Variants in DLG2 observed in about 807,000 individuals in gnomAD.
The protein encoded by DLG2 is discs large MAGUK scaffold protein 2.
A neutral mutation model predicts 132.5 loss-of-function variants in DLG2; 45 were observed. That is an observed-to-expected ratio of 0.34 (90% CI 0.27 to 0.44). The LOEUF is 0.44. Among genes scored for constraint, DLG2 ranks in the 20% least tolerant of loss-of-function variants. The pLI, the probability that DLG2 is intolerant of heterozygous loss-of-function variation, is 1.00. For synonymous variants in DLG2, 424 were observed against 419.6 expected (o/e 1.01, Z -0.13); for missense variants, 1,045 against 1,196.9 (o/e 0.87, Z 1.87).
chr11:84,455,629 G>A (rs1421847961), intron 7 of DLG2, among the ~76,000 whole-genome samples: 1 of 150,636 alleles, frequency 6.6e-6, no homozygotes, highest in East Asian at 2.0e-4. Context: ...GAAGCCAAGT[G>A]GTTAAAAAAA....
Position 84,852,178 on chromosome 11 carries a change from G to A in DLG2, c.357+259483C>T, listed in dbSNP as rs1177563985. Among the ~76,000 whole-genome samples, 3 of 152,034 alleles carry A rather than the reference G, an allele frequency of 2.0e-5. No homozygotes were observed. The East Asian group carries it at 5.8e-4, about 29-fold the overall frequency. Reference sequence around the variant, plus strand: ...ATCCCTTGCTCTAATCTCCTCCATAGCAATCAGAGCTAATGAGCTGCAACT... The same window carrying A: ...ATCCCTTGCTCTAATCTCCTCCATAACAATCAGAGCTAATGAGCTGCAACT... On this transcript the variant is annotated intron_variant, in intron 6 of 27. Coordinates refer to ENST00000376104, the MANE Select transcript of DLG2 (RefSeq NM_001142699.3).
chr11:85,183,381 T>C (rs1197841760), intron 4 of DLG2, among the ~76,000 whole-genome samples: 2 of 151,906 alleles, frequency 1.3e-5, no homozygotes, highest in Non-Finnish European at 2.9e-5. Context: ...CCTCTAATGC[T>C]AATTAACAAA....
chr11:83,718,532 GAAA>G (rs57237354), intron 18 of DLG2, among the ~76,000 whole-genome samples: 15 of 106,284 alleles, frequency 1.4e-4, no homozygotes, highest in African/African-American at 4.0e-4. Flanking sequence ...CTCAAAAAAA[GAAA>G]AAAAAAAAAA....
chr11:84,267,816 C>T (rs1306871226), intron 7 of DLG2, among the ~76,000 whole-genome samples: 1 of 152,178 alleles, frequency 6.6e-6, no homozygotes, highest in Non-Finnish European at 1.5e-5. Flanking sequence ...TGGATATACT[C>T]AATTCTAGGC....
intron 19 of DLG2, among the ~76,000 whole-genome samples, chr11:83,543,510 C>T (rs1021378230): frequency 2.0e-5 from 3 of 152,258 alleles, no homozygotes; most frequent in Middle Eastern, 3.4e-3. Flanking sequence ...TGTCCTGCTC[C>T]TACTATGTCT....
chr11:83,730,179 G>T (rs2090754992), intron 18 of DLG2, among the ~76,000 whole-genome samples: 1 of 133,132 alleles, frequency 7.5e-6, no homozygotes. Context: ...CAATGTTAAG[G>T]TCACACTATA....
chr11:85,525,742 A>G (rs1484507609), intron 3 of DLG2, among the ~76,000 whole-genome samples: 1 of 152,202 alleles, frequency 6.6e-6, no homozygotes, highest in Non-Finnish European at 1.5e-5. Flanking sequence ...TGCCAGGAGA[A>G]TATTTTCAGG....
chr11:83,703,640 ACT>A (rs935972561), intron 18 of DLG2, among the ~76,000 whole-genome samples: 1 of 152,062 alleles, frequency 6.6e-6, no homozygotes, highest in African/African-American at 2.4e-5. Context: ...CAAGAGTGAA[ACT>A]CTGTCTCAAA....
intron 3 of DLG2, among the ~76,000 whole-genome samples, chr11:85,343,616 GT>G (rs1380215934): frequency 2.0e-5 from 3 of 151,732 alleles, no homozygotes; most frequent in Admixed American, 2.0e-4. Context: ...GTGTGCACAC[GT>G]TCTCTCTCTC....
At chr11:85,212,614 G>T (rs2082323714) in intron 4 of DLG2, among the ~76,000 whole-genome samples, 1 of 152,148 alleles carries the variant, frequency 6.6e-6, no homozygotes, top group South Asian at 2.1e-4. Flanking sequence ...GCCTACAAGA[G>T]TAACAAAAAC....
At chr11:84,943,917 G>A (rs956551669) in intron 6 of DLG2, among the ~76,000 whole-genome samples, 1 of 151,860 alleles carries the variant, frequency 6.6e-6, no homozygotes, top group Non-Finnish European at 1.5e-5. Context: ...GCATTTCTTA[G>A]AAGACAAATC....
chr11:85,423,511 T>A lies in DLG2; in HGVS notation c.41-138146A>T, dbSNP rs960670289. 2.0e-5 allele frequency among the ~76,000 whole-genome samples: 3 copies of A among 152,108 alleles called. No homozygotes were observed. The East Asian group carries it at 5.8e-4, about 29-fold the overall frequency. On this transcript the variant is annotated intron_variant, in intron 3 of 27. Coordinates refer to ENST00000376104, the MANE Select transcript of DLG2 (RefSeq NM_001142699.3). The stretch of plus-strand genomic sequence containing the variant: ...AACTCCCAGGAATATATGCCCTTTG[T>A]CTTCAGTTAACAGGGTGGGTAGGGA...
rs2076806722 is a variant in DLG2 at position 85,554,034 on chromosome 11, G to C, written c.40+44623C>G. On this transcript the variant is annotated intron_variant, in intron 3 of 27. Transcript: ENST00000376104. ...AACAGTTATAGCCAAAAACTTAAAA[G>C]TCATAGCCAAAAAGTATATATTTGA... 1.3e-5 allele frequency among the ~76,000 whole-genome samples: 2 copies of C among 151,042 alleles called. 1 individual carries two copies. The highest frequency in any genetic ancestry group is 3.0e-5 in the Non-Finnish European group (2 of 67,628).
intron 3 of DLG2, among the ~76,000 whole-genome samples, chr11:85,297,322 G>GT (rs1007655284): frequency 1.3e-5 from 2 of 152,128 alleles, no homozygotes; most frequent in African/African-American, 4.8e-5. Context: ...TAGATGAATG[G>GT]TTTTTATGTT....
intron 6 of DLG2, among the ~76,000 whole-genome samples, chr11:84,695,808 C>T (rs2058555386): frequency 6.6e-6 from 1 of 151,390 alleles, no homozygotes; most frequent in Non-Finnish European, 1.5e-5. Flanking sequence ...CTGAGTAATA[C>T]ATGTAGGTGT....
At chr11:84,503,340 A>G (rs1020209745) in intron 7 of DLG2, among the ~76,000 whole-genome samples, 1 of 152,248 alleles carries the variant, frequency 6.6e-6, no homozygotes, top group Admixed American at 6.5e-5. Context: ...GAGTAGACAC[A>G]TAATAAATGT....
chr11:84,569,000 A>T (rs930965487), intron 6 of DLG2, among the ~76,000 whole-genome samples: 3 of 152,122 alleles, frequency 2.0e-5, no homozygotes, highest in African/African-American at 7.2e-5. Flanking sequence ...CAAAGAGCAA[A>T]ATTGCCCAGC....
rs1261514567 is a variant in DLG2, at chr11:84,370,492, T to G, written c.520-119201A>C. Among the ~76,000 whole-genome samples the G allele has an allele frequency of 5.3e-5, 8 of 152,088 alleles. No individual in the cohort carries two copies. In the East Asian group the frequency reaches 1.3e-3, roughly 26 times the overall value. On this transcript the variant is annotated intron_variant, in intron 7 of 27. Transcript: ENST00000376104. ...AGCACACTAGCAACTAATTAAATGA[T>G]TTTAGAAATCACTTATCCACATAGG...
At chr11:85,015,230 T>C (rs1345925160) in intron 6 of DLG2, among the ~76,000 whole-genome samples, 3 of 152,184 alleles carry the variant, frequency 2.0e-5, no homozygotes, top group African/African-American at 7.2e-5. Flanking sequence ...CTTAATCATA[T>C]GCTGCACATA....
Sources: gnomAD v4.1 joint callset for allele counts (sites outside exome capture counted in the v4.1 genomes callset) on GRCh38, gnomAD v4.1.1 for gene constraint, MANE v1.5 for transcripts, NCBI Gene and HGNC (gene_info 2026-07-23, HGNC 2026-07-21) for gene names.